The following GDA variants were observed in gnomAD, a reference collection of about 807,000 sequenced individuals.
GDA encodes the protein guanine deaminase.
GDA carries 18 observed loss-of-function variants against 59.6 expected under a neutral mutation model. That is an observed-to-expected ratio of 0.30 (90% CI 0.21 to 0.45). The LOEUF (loss-of-function observed/expected upper bound fraction) is 0.45, where lower values mean the gene tolerates loss of function less well. Among genes scored for constraint, GDA ranks in the 20% least tolerant of loss-of-function variants. The pLI, the probability that GDA is intolerant of heterozygous loss-of-function variation, is 1.00. For synonymous variants in GDA, 201 were observed against 201.1 expected (o/e 1.00, Z 0.00); for missense variants, 427 against 552.3 (o/e 0.77, Z 2.27).
rs557044998 is a variant in GDA at position 72,138,356 on chromosome 9, T to C, written c.-100+23523T>C. 2.9e-3 allele frequency among the ~76,000 whole-genome samples: 435 copies of C among 152,298 alleles called. 3 individuals carry two copies. The highest frequency in any genetic ancestry group is 0.01 in the African/African-American group (416 of 41,564). On this transcript the variant is annotated intron_variant, in intron 1 of 13. Transcript: ENST00000545168. ...CTAGAAAGGGAGCTGGAACTTAAAG[T>C]GGTGGTGTTTGTCCAAGATGATGGT...
chr9:72,154,464 G>A (rs1827653677), intron 1 of GDA, among the ~76,000 whole-genome samples: 1 of 152,130 alleles, frequency 6.6e-6, no homozygotes, highest in South Asian at 2.1e-4. Flanking sequence ...TTCACATGGT[G>A]ACATGCCAAG....
At chr9:72,228,121 A>T (rs1157517737) in intron 9 of GDA, 81 bp downstream of exon 9, 6 of 788,930 alleles carry the variant, frequency 7.6e-6, no homozygotes, top group African/African-American at 3.4e-5. Context: ...TTCCTCTGTC[A>T]TTCCTCCAGG....
intron 1 of GDA, 52 bp from the exon 2 acceptor site, chr9:72,195,448 G>C: frequency 1.7e-6 from 1 of 595,508 alleles, no homozygotes; most frequent in Admixed American, 2.9e-5. Context: ...AAAAACAAAT[G>C]ACTGTGACTC....
Position 72,210,680 on chromosome 9 carries a change from T to G in GDA, c.385-7T>G. On this transcript the variant is annotated splice_polypyrimidine_tract_variant and splice_region_variant and intron_variant, in intron 3 of 13. Transcript: ENST00000358399. Reference sequence around the variant, plus strand: ...CGTGATTCGCGGTTTTTGTGATTTATTTTTAGAGGAGAACACTAAAGAATG... The same window carrying G: ...CGTGATTCGCGGTTTTTGTGATTTAGTTTTAGAGGAGAACACTAAAGAATG... 6.4e-7 allele frequency: 1 copy of G among 1,565,554 alleles called. No individual in the cohort carries two copies. Among genetic ancestry groups the G allele is most frequent in the Non-Finnish European group, 8.8e-7 (1 of 1,135,862 alleles).
At position 72,129,813 on chromosome 9, in the gene GDA, G is replaced by A. The variant is rs1409748480; in HGVS notation, c.-100+14980G>A. Among the ~76,000 whole-genome samples the A allele has an allele frequency of 5.9e-5, 9 of 152,206 alleles. No individual in the cohort carries two copies. The East Asian group carries it at 1.5e-3, about 26-fold the overall frequency. ...ATGAGAAGCTAAACATTAACCAGAG[G>A]GTTGCTTGGTAAGCATGAAGGAAGG... On this transcript the variant is annotated intron_variant, in intron 1 of 13. Transcript: ENST00000545168.
intron 1 of GDA, among the ~76,000 whole-genome samples, chr9:72,159,588 T>C: frequency 6.6e-6 from 1 of 152,286 alleles, no homozygotes; most frequent in East Asian, 1.9e-4. Flanking sequence ...CATATAATGA[T>C]ATAAGAATTT....
chr9:72,223,789 A>C (rs1326847285), intron 7 of GDA, among the ~76,000 whole-genome samples: 1 of 152,200 alleles, frequency 6.6e-6, no homozygotes, highest in East Asian at 1.9e-4. Flanking sequence ...TTTAAAGCTT[A>C]TATCTGGGTT....
chr9:72,239,553 A>G (rs540874248), intron 10 of GDA, among the ~76,000 whole-genome samples: 1 of 152,258 alleles, frequency 6.6e-6, no homozygotes, highest in South Asian at 2.1e-4. Context: ...TATAAAATAT[A>G]GTTAGTCTTT....
At chr9:72,182,023 T>C (rs1035099770) in intron 1 of GDA, among the ~76,000 whole-genome samples, 13 of 152,144 alleles carry the variant, frequency 8.5e-5, no homozygotes, top group Admixed American at 7.9e-4. Context: ...GACACACACA[T>C]GCACGCACAC....
Position 72,156,007 on chromosome 9 carries a change from T to C in GDA, c.123+6325T>C, listed in dbSNP as rs1827842931. ...GGCATGTAGTACATGTCCATTAGAC[T>C]TCAGCGGTTATTGTCAGTAATGCAG... On this transcript the variant is annotated intron_variant, in intron 1 of 13. Transcript: ENST00000358399. Among the ~76,000 whole-genome samples, 3 of 152,238 alleles carry C rather than the reference T, an allele frequency of 2.0e-5. No homozygotes were observed. In the South Asian group the frequency reaches 6.2e-4, roughly 32 times the overall value.
rs746534184 is a variant in GDA, at chr9:72,247,406, G to C, written c.1267G>C (p.Ala423Pro). Reference sequence around the variant, plus strand: ...TTATTACTTTTATTTTCCATTTTAGGCTGTTATCCAGAAGTTCCTCTATCT... The same window carrying C: ...TTATTACTTTTATTTTCCATTTTAGCCTGTTATCCAGAAGTTCCTCTATCT... The part of the protein sequence containing the change: ...YGDFFGDISE[A>P]VIQKFLYLGD... Residue 423 changes from alanine to proline, a missense_variant and splice_region_variant, in exon 13 of 14, where the codon GCT becomes CCT. By Grantham distance (27) the Ala-to-Pro change is conservative. Coordinates refer to ENST00000358399, the MANE Select transcript of GDA (RefSeq NM_004293.5). The C allele has an allele frequency of 5.4e-6, 8 of 1,481,688 alleles. No homozygotes were observed. The allele number at this position is 1,481,688 out of a possible 1,614,324, so 91.8% of individuals were successfully genotyped here. A position where few individuals can be genotyped will look rare whatever the true frequency, so the allele number is the denominator to read the frequency against.
intron 2 of GDA, among the ~76,000 whole-genome samples, chr9:72,196,252 G>A (rs1422778071): frequency 6.6e-6 from 1 of 151,756 alleles, no homozygotes; most frequent in Non-Finnish European, 1.5e-5. Flanking sequence ...AGGCCGAGGC[G>A]GGTGGATCAC....
intron 1 of GDA, among the ~76,000 whole-genome samples, chr9:72,141,613 C>A (rs1826443216): frequency 6.6e-6 from 1 of 152,186 alleles, no homozygotes; most frequent in South Asian, 2.1e-4. Flanking sequence ...GGAGTCCAAT[C>A]TCATTATGGT....
intron 1 of GDA, among the ~76,000 whole-genome samples, chr9:72,156,484 T>C (rs1312464364): frequency 6.6e-6 from 1 of 152,220 alleles, no homozygotes; most frequent in Non-Finnish European, 1.5e-5. Flanking sequence ...AATCCCTTCC[T>C]TCTGAGGCTG....
intron 10 of GDA, among the ~76,000 whole-genome samples, chr9:72,231,662 A>G (rs1301277721): frequency 6.6e-6 from 1 of 152,168 alleles, no homozygotes; most frequent in Non-Finnish European, 1.5e-5. Flanking sequence ...AGATTAGGCT[A>G]TAAAGGATGA....
chr9:72,121,751 T>C (rs531475606), intron 1 of GDA, among the ~76,000 whole-genome samples: 38 of 152,192 alleles, frequency 2.5e-4, no homozygotes, highest in Non-Finnish European at 4.9e-4. Context: ...TCCACTGTAC[T>C]TTGCACATCT....
chr9:72,184,189 C>T (rs1831596669), intron 1 of GDA, among the ~76,000 whole-genome samples: 1 of 152,178 alleles, frequency 6.6e-6, no homozygotes. Context: ...TTTGCAACAA[C>T]TGATAAACCT....
In GDA at chr9:72,245,168, A is replaced by G; in HGVS notation, c.1156A>G (p.Ile386Val). The G allele has an allele frequency of 6.2e-7, 1 of 1,613,762 alleles. No individual in the cohort carries two copies. Among genetic ancestry groups the G allele is most frequent in the Non-Finnish European group, 8.5e-7 (1 of 1,179,774 alleles). The change falls in exon 12 of 14, where the codon ATT becomes GTT. Residue 386 changes from isoleucine to valine, a missense_variant. Ile to Val is a conservative substitution (Grantham distance 29). Transcript: ENST00000358399. ...AATAGCCCTGGGGCTGGATGGTGAG[A>G]TTGGAAACTTTGAAGTGGGCAAGGA... ...GSQALGLDGE[I>V]GNFEVGKEFD...
chr9:72,193,615 G>A (rs114719972), intron 1 of GDA, among the ~76,000 whole-genome samples: 250 of 152,350 alleles, frequency 1.6e-3, no homozygotes, highest in African/African-American at 4.9e-3. Context: ...ACTGGGTGTT[G>A]TCCACAGCTT....
Sources: allele counts gnomAD v4.1 joint callset (sites outside exome capture counted in the v4.1 genomes callset), GRCh38; gene constraint gnomAD v4.1.1; transcripts MANE v1.5; gene names NCBI Gene and HGNC (gene_info 2026-07-23, HGNC 2026-07-21).